The following SCFD2 variants were observed in gnomAD, a reference collection of about 807,000 sequenced individuals.
SCFD2 encodes the protein sec1 family domain containing 2, also known as sec1 family domain-containing protein 2.
Under a neutral mutation model 58.9 loss-of-function variants are expected in SCFD2, and 54 were observed. The observed-to-expected ratio is 0.92, with a 90% CI of 0.74 to 1.15. The LOEUF is 1.15. SCFD2 is among the 50% of genes most tolerant of loss of function. The pLI is 0.00. For missense variants in SCFD2, 805 were observed against 836.6 expected, an observed-to-expected ratio of 0.96 and a Z score of 0.47; for synonymous variants, 321 against 335.9, an observed-to-expected ratio of 0.96 and a Z score of 0.49.
At chr4:52,908,736 T>C (rs190186644) in intron 6 of SCFD2, among the ~76,000 whole-genome samples, 1 of 152,210 alleles carries the variant, frequency 6.6e-6, no homozygotes. Context: ...AAGCAAGGTA[T>C]AAACCATTAA....
chr4:53,335,137 C>T (rs1334100414), intron 2 of SCFD2, among the ~76,000 whole-genome samples: 1 of 134,202 alleles, frequency 7.5e-6, no homozygotes, highest in Non-Finnish European at 1.5e-5. Flanking sequence ...CAAAGGTTGC[C>T]GTGAGCTGAG....
At chr4:53,065,489 G>T (rs111711386) in intron 5 of SCFD2, among the ~76,000 whole-genome samples, 1 of 151,912 alleles carries the variant, frequency 6.6e-6, no homozygotes, top group Non-Finnish European at 1.5e-5. Context: ...ATAGCAAACC[G>T]CCAGTAACAC....
chr4:53,352,815 G>GC, intron 1 of SCFD2, 49 bp from the exon 2 acceptor site: 1 of 1,505,164 alleles, frequency 6.6e-7, no homozygotes, highest in African/African-American at 1.4e-5. Flanking sequence ...GGAGGAAAAA[G>GC]CAAGTTGGAT....
At chr4:53,156,457 G>C (rs1434410817) in intron 4 of SCFD2, among the ~76,000 whole-genome samples, 1 of 151,346 alleles carries the variant, frequency 6.6e-6, no homozygotes, top group Non-Finnish European at 1.5e-5. Flanking sequence ...CAGCACTTTG[G>C]GAGGCCAAGG....
intron 3 of SCFD2, among the ~76,000 whole-genome samples, chr4:53,298,307 C>A (rs995715286): frequency 1.8e-4 from 28 of 152,204 alleles, no homozygotes; most frequent in African/African-American, 4.8e-4. Flanking sequence ...TATCCGGCAC[C>A]TGGCTCAGAG....
At chr4:53,215,878 C>G (rs1489763432) in intron 4 of SCFD2, among the ~76,000 whole-genome samples, 2 of 151,980 alleles carry the variant, frequency 1.3e-5, no homozygotes, top group Admixed American at 1.3e-4. Flanking sequence ...TTATCAAAGG[C>G]CTTTTCTGCA....
At chr4:53,133,977 G>GA (rs141550807) in intron 5 of SCFD2, among the ~76,000 whole-genome samples, 1,859 of 152,118 alleles carry the variant, frequency 0.012, 14 homozygotes, top group Middle Eastern at 0.048. Flanking sequence ...ATATCTCTTT[G>GA]AAAAAATGGA....
At chr4:53,333,220 ACTTT>A (rs1733552475) in intron 2 of SCFD2, among the ~76,000 whole-genome samples, 1 of 145,482 alleles carries the variant, frequency 6.9e-6, no homozygotes, top group South Asian at 2.3e-4. Flanking sequence ...GCTACCAATG[ACTTT>A]CTTCACAGAA....
intron 7 of SCFD2, among the ~76,000 whole-genome samples, chr4:52,896,849 T>C (rs1386825690): frequency 6.6e-6 from 1 of 152,256 alleles, no homozygotes; most frequent in Non-Finnish European, 1.5e-5. Flanking sequence ...AGCAGTGGTT[T>C]GTAGTTCTCC....
intron 5 of SCFD2, among the ~76,000 whole-genome samples, chr4:52,972,252 G>A (rs1395540781): frequency 1.3e-5 from 2 of 152,138 alleles, no homozygotes; most frequent in African/African-American, 2.4e-5. Context: ...ACCCATCAGT[G>A]TGCTGTATTC....
intron 4 of SCFD2, among the ~76,000 whole-genome samples, chr4:53,173,064 C>T (rs559029086): frequency 1.3e-5 from 2 of 152,150 alleles, no homozygotes; most frequent in South Asian, 4.2e-4. Flanking sequence ...CAGTTATATT[C>T]TCTTGTTGAA....
intron 4 of SCFD2, among the ~76,000 whole-genome samples, chr4:53,216,280 CT>C (rs1436578028): frequency 6.6e-6 from 1 of 152,088 alleles, no homozygotes; most frequent in Non-Finnish European, 1.5e-5. Flanking sequence ...TGGCTCTGGA[CT>C]TTTTTTGGTT....
At chr4:53,201,660 A>G (rs1017176162) in intron 4 of SCFD2, among the ~76,000 whole-genome samples, 1 of 152,006 alleles carries the variant, frequency 6.6e-6, no homozygotes, top group African/African-American at 2.4e-5. Flanking sequence ...AAGTGTTCCT[A>G]TTTCTCCACA....
intron 5 of SCFD2, among the ~76,000 whole-genome samples, chr4:53,051,208 G>C (rs1232949598): frequency 6.6e-6 from 1 of 152,132 alleles, no homozygotes; most frequent in Non-Finnish European, 1.5e-5. Flanking sequence ...AAGCAACAAA[G>C]GTTTGAGAAC....
chr4:53,116,211 G>T (rs1488317301), intron 5 of SCFD2, among the ~76,000 whole-genome samples: 3 of 151,752 alleles, frequency 2.0e-5, no homozygotes, highest in African/African-American at 7.3e-5. Flanking sequence ...AAAGGATTAT[G>T]TTATAATAAA....
chr4:53,202,031 T>G (rs1158456295), intron 4 of SCFD2, among the ~76,000 whole-genome samples: 5 of 152,194 alleles, frequency 3.3e-5, no homozygotes, highest in East Asian at 3.9e-4. Context: ...TTAGTTTAAT[T>G]AGATCCCATT....
chr4:52,943,315 A>G (rs1488144365), intron 5 of SCFD2, among the ~76,000 whole-genome samples: 2 of 152,204 alleles, frequency 1.3e-5, no homozygotes, highest in African/African-American at 4.8e-5. Flanking sequence ...TATATGTTTT[A>G]GTTTGTTCTG....
intron 4 of SCFD2, among the ~76,000 whole-genome samples, chr4:53,210,637 ATT>A (rs1728579743): frequency 6.6e-6 from 1 of 152,048 alleles, no homozygotes. Flanking sequence ...TATCATATAT[ATT>A]TATTTCTATT....
intron 3 of SCFD2, among the ~76,000 whole-genome samples, chr4:53,277,427 A>G (rs1371999015): frequency 6.6e-6 from 1 of 152,202 alleles, no homozygotes; most frequent in African/African-American, 2.4e-5. Context: ...CATAGAACTT[A>G]GTCTATCAAG....
Sources: allele counts gnomAD v4.1 joint callset (sites outside exome capture counted in the v4.1 genomes callset), GRCh38; gene constraint gnomAD v4.1.1; transcripts MANE v1.5; gene names NCBI Gene and HGNC (gene_info 2026-07-23, HGNC 2026-07-21).